The following DRD2 variants were observed in gnomAD, a reference collection of about 807,000 sequenced individuals.
DRD2 encodes D(2) dopamine receptor.
Under a neutral mutation model 38.0 loss-of-function variants are expected in DRD2, and 8 were observed. That is an observed-to-expected ratio of 0.21 (90% CI 0.12 to 0.38). The LOEUF (loss-of-function observed/expected upper bound fraction) is 0.38. Among genes scored for constraint, DRD2 ranks in the 10% least tolerant of loss-of-function variants. The pLI is 1.00. For missense variants in DRD2, 403 were observed against 607.7 expected (o/e 0.66, Z 3.54); for synonymous variants, 230 against 238.6 (o/e 0.96, Z 0.33).
At chr11:113,413,246 C>G in intron 6 of DRD2, 1 of 604,926 alleles carries the variant, frequency 1.7e-6, no homozygotes, top group Non-Finnish European at 3.2e-6. Context: ...GGCCCTGCCT[C>G]CAGAAACTCA....
At chr11:113,411,825 A>T (rs999300336) in intron 7 of DRD2, 2 of 152,596 alleles carry the variant, frequency 1.3e-5, no homozygotes, top group African/African-American at 4.8e-5. Context: ...CCGGCAGTCA[A>T]AGGGGATTCA....
chr11:113,414,984 C>T (rs1950811459), intron 5 of DRD2, among the ~76,000 whole-genome samples: 1 of 152,038 alleles, frequency 6.6e-6, no homozygotes, highest in Non-Finnish European at 1.5e-5. Context: ...AAGAGAAGCA[C>T]AGGAGAGACA....
chr11:113,453,100 C>T (rs916678474), intron 1 of DRD2, among the ~76,000 whole-genome samples: 5 of 152,154 alleles, frequency 3.3e-5, no homozygotes, highest in African/African-American at 1.2e-4. Context: ...CTCCATCTCC[C>T]TCTCTAAGCC....
At chr11:113,440,861 C>G (rs75104914) in intron 1 of DRD2, among the ~76,000 whole-genome samples, 2 of 152,160 alleles carry the variant, frequency 1.3e-5, no homozygotes, top group Admixed American at 6.5e-5. Context: ...TCGGTCTTAC[C>G]TTGGGGCTCC....
intron 1 of DRD2, chr11:113,474,534 G>C (rs1014598248): frequency 6.6e-6 from 1 of 152,334 alleles, no homozygotes; most frequent in Non-Finnish European, 1.5e-5. Context: ...GTGGGAGCGG[G>C]AGAATCCAGC....
intron 1 of DRD2, among the ~76,000 whole-genome samples, chr11:113,454,603 C>T (rs1183574634): frequency 6.6e-6 from 1 of 152,146 alleles, no homozygotes; most frequent in Non-Finnish European, 1.5e-5. Flanking sequence ...AACAGAAAAG[C>T]TTCACTCTCT....
Position 113,424,522 on chromosome 11 carries a change from G to T in DRD2, c.130C>A (p.Leu44Ile). 1 of 1,614,254 alleles carries T rather than the reference G, an allele frequency of 6.2e-7. No homozygotes were observed. Among genetic ancestry groups the T allele is most frequent in the Non-Finnish European group, 8.5e-7 (1 of 1,180,046 alleles). Residue 44 changes from leucine (L) to isoleucine (I), a missense_variant, in exon 2 of 8, where the codon CTC becomes ATC. Physicochemically the swap from Leu to Ile is conservative, Grantham distance 5. This residue lies in a region of DRD2 where 162 missense variants were observed against 254.5 expected (regional missense o/e 0.64). Coordinates refer to ENST00000362072, the MANE Select transcript of DRD2 (RefSeq NM_000795.4). ...YNYYATLLTL[L>I]IAVIVFGNVL... ...TTGCCGAAGACGATGACAGCGATGA[G>T]CAGGGTGAGCAGTGTGGCATAGTAG...
chr11:113,411,791 G>GGA (rs1950772280), intron 7 of DRD2: 3 of 152,368 alleles, frequency 2.0e-5, no homozygotes, highest in Non-Finnish European at 4.4e-5. Flanking sequence ...GGTAACAGCT[G>GGA]CCCCACTCAC....
intron 1 of DRD2, among the ~76,000 whole-genome samples, chr11:113,435,475 G>A (rs914872488): frequency 6.6e-6 from 1 of 152,136 alleles, no homozygotes; most frequent in African/African-American, 2.4e-5. Flanking sequence ...CAGCTCACGT[G>A]CACTGCAGAA....
chr11:113,441,048 A>C (rs1391787961), intron 1 of DRD2, among the ~76,000 whole-genome samples: 1 of 152,166 alleles, frequency 6.6e-6, no homozygotes, highest in Non-Finnish European at 1.5e-5. Flanking sequence ...TGACAGAGAG[A>C]GCTTTGATGG....
At chr11:113,414,487 C>A in intron 5 of DRD2, 26 bp from the exon 6 acceptor site, 1 of 1,613,712 alleles carries the variant, frequency 6.2e-7, no homozygotes, top group South Asian at 1.1e-5. Flanking sequence ...GCACATGGGT[C>A]ACACAAAGTG....
rs182619856 is a variant in DRD2, at chr11:113,431,900, C to T, written c.-31-7218G>A. Among the ~76,000 whole-genome samples, 7 of 152,330 alleles carry T rather than the reference C, an allele frequency of 4.6e-5. No individual in the cohort carries two copies. In the East Asian group the frequency reaches 1.4e-3, roughly 29 times the overall value. The stretch of plus-strand genomic sequence containing the variant: ...GATACCCGGGGCTAAGCTAGCCCAC[C>T]CAGGCTGCCCCAGGCAGGCCACCCT... On this transcript the variant is annotated intron_variant, in intron 1 of 7. Coordinates refer to ENST00000362072, the MANE Select transcript of DRD2 (RefSeq NM_000795.4).
intron 1 of DRD2, chr11:113,450,126 A>G (rs1056311349): frequency 6.5e-6 from 1 of 154,536 alleles, no homozygotes; most frequent in Non-Finnish European, 1.5e-5. Flanking sequence ...TATTGTTGCC[A>G]TTTGAGAATG....
intron 1 of DRD2, among the ~76,000 whole-genome samples, chr11:113,457,173 C>T (rs1033701570): frequency 2.6e-5 from 4 of 152,138 alleles, no homozygotes; most frequent in Non-Finnish European, 5.9e-5. Flanking sequence ...CCTGACTGTG[C>T]CGCTTCCCTA....
At chr11:113,460,870 G>T (rs940269217) in intron 1 of DRD2, among the ~76,000 whole-genome samples, 5 of 152,238 alleles carry the variant, frequency 3.3e-5, no homozygotes, top group Admixed American at 6.5e-5. Context: ...AGTCCCAGGT[G>T]GAGCCTCCAA....
At chr11:113,413,653 A>G (rs544094223) in intron 6 of DRD2, among the ~76,000 whole-genome samples, 14 of 152,334 alleles carry the variant, frequency 9.2e-5, no homozygotes, top group African/African-American at 2.6e-4. Context: ...CTTGCAGTGC[A>G]GGTGAAGGCA....
chr11:113,464,413 C>A (rs1453417439), intron 1 of DRD2, among the ~76,000 whole-genome samples: 1 of 152,198 alleles, frequency 6.6e-6, no homozygotes, highest in Admixed American at 6.5e-5. Flanking sequence ...TTTATGCCCA[C>A]TCTATCTCTC....
In DRD2 at chr11:113,475,354, G is replaced by C. The variant is rs1951473861; in HGVS notation, c.-310C>G. The C allele has an allele frequency of 1.3e-5, 2 of 150,188 alleles. No homozygotes were observed. Among genetic ancestry groups the C allele is most frequent in the Non-Finnish European group, 3.0e-5 (2 of 66,976 alleles). The allele number at this position is 150,188 out of a possible 1,614,324, so 9.3% of individuals were successfully genotyped here. The stretch of plus-strand genomic sequence containing the variant: ...CGGGCAGGAGGGAGCGCGGGGACGG[G>C]GCGGAGGCGGCGCGGTGCGCGCGTG... On this transcript the variant is annotated 5_prime_UTR_variant, in exon 1 of 8. Coordinates refer to ENST00000362072, the MANE Select transcript of DRD2 (RefSeq NM_000795.4).
At chr11:113,462,018 TC>T (rs1170533974) in intron 1 of DRD2, among the ~76,000 whole-genome samples, 1 of 151,182 alleles carries the variant, frequency 6.6e-6, no homozygotes, top group Non-Finnish European at 1.5e-5. Flanking sequence ...CCCTTTACTT[TC>T]CCCCCTTACC....
Sources: gnomAD v4.1 joint callset for allele counts (sites outside exome capture counted in the v4.1 genomes callset) on GRCh38, gnomAD v4.1.1 for gene constraint, gnomAD v4.1.1 regional missense constraint, MANE v1.5 for transcripts, NCBI Gene and HGNC (gene_info 2026-07-23, HGNC 2026-07-21) for gene names.